POFUT3: variants seen among roughly 807,000 people sequenced by gnomAD.
The protein encoded by POFUT3 is GDP-fucose protein O-fucosyltransferase 3.
chr8:33,347,989 C>T, the POFUT3 span, among the ~76,000 whole-genome samples: 1 of 152,012 alleles, frequency 6.6e-6, no homozygotes, highest in African/African-American at 2.4e-5. Context: ...ACTAGCCTGG[C>T]CAACATGGTG....
chr8:33,356,475 G>C, the POFUT3 span, among the ~76,000 whole-genome samples: 7 of 151,968 alleles, frequency 4.6e-5, no homozygotes, highest in African/African-American at 1.7e-4. Context: ...GTCTTCTTTT[G>C]AGAAGTGTCT....
the POFUT3 span, among the ~76,000 whole-genome samples, chr8:33,435,539 CAG>C: frequency 2.1e-5 from 3 of 141,960 alleles, no homozygotes; most frequent in African/African-American, 7.9e-5. Context: ...TTTTCTGAGA[CAG>C]AGTCTTACTC....
At chr8:33,397,230 A>G in the POFUT3 span, among the ~76,000 whole-genome samples, 1 of 152,234 alleles carries the variant, frequency 6.6e-6, no homozygotes, top group African/African-American at 2.4e-5. Context: ...TGACAACTTC[A>G]ATATCCAAGC....
the POFUT3 span, among the ~76,000 whole-genome samples, chr8:33,377,142 G>A: frequency 6.6e-6 from 1 of 151,698 alleles, no homozygotes; most frequent in Non-Finnish European, 1.5e-5. Context: ...TGAGGCAGGA[G>A]AATCACTTGA....
the POFUT3 span, among the ~76,000 whole-genome samples, chr8:33,444,465 TCA>T: frequency 6.6e-6 from 1 of 151,836 alleles, no homozygotes; most frequent in Non-Finnish European, 1.5e-5. Context: ...TGAGGTGGGG[TCA>T]CTGGAGGAGC....
chr8:33,364,667 G>T, the POFUT3 span, among the ~76,000 whole-genome samples: 4 of 152,254 alleles, frequency 2.6e-5, no homozygotes, highest in Non-Finnish European at 4.4e-5. Context: ...ATTCACAATT[G>T]CTACAAAGAG....
At chr8:33,419,786 T>C in the POFUT3 span, among the ~76,000 whole-genome samples, 11 of 152,336 alleles carry the variant, frequency 7.2e-5, no homozygotes, top group South Asian at 2.3e-3. Context: ...TGTAATATGT[T>C]AGGTCATTTA....
At chr8:33,389,013 C>T in the POFUT3 span, 1 of 1,614,068 alleles carries the variant, frequency 6.2e-7, no homozygotes, top group East Asian at 2.2e-5. Context: ...ACCATACACT[C>T]AAATGCATCG....
At chr8:33,389,610 T>C in the POFUT3 span, 1 of 1,614,220 alleles carries the variant, frequency 6.2e-7, no homozygotes, top group Non-Finnish European at 8.5e-7. Context: ...AGGACTTCAA[T>C]GCTCTCCAAG....
At chr8:33,460,609 T>C in the POFUT3 span, 31 of 324,282 alleles carry the variant, frequency 9.6e-5, no homozygotes, top group Non-Finnish European at 1.2e-4. Context: ...GTGATAACAA[T>C]AGGAGATTCT....
chr8:33,465,212 A>C, the POFUT3 span, among the ~76,000 whole-genome samples: 2 of 152,162 alleles, frequency 1.3e-5, no homozygotes, highest in African/African-American at 4.8e-5. Flanking sequence ...ATTATGTAGT[A>C]AAATAATATC....
At chr8:33,407,590 T>A in the POFUT3 span, among the ~76,000 whole-genome samples, 51,190 of 151,270 alleles carry the variant, frequency 0.34, 8,970 homozygotes, top group South Asian at 0.44. Flanking sequence ...TTAAAAAAAA[T>A]TTTTTATCTC....
the POFUT3 span, among the ~76,000 whole-genome samples, chr8:33,441,330 C>CAAAA: frequency 8.4e-6 from 1 of 118,690 alleles, no homozygotes; most frequent in Non-Finnish European, 1.7e-5. Flanking sequence ...GACTCCATCT[C>CAAAA]AAAAAAAAAA....
At chr8:33,366,596 C>A in the POFUT3 span, among the ~76,000 whole-genome samples, 1 of 152,200 alleles carries the variant, frequency 6.6e-6, no homozygotes, top group African/African-American at 2.4e-5. Flanking sequence ...GTTAATATTA[C>A]CACCAATCTC....
chr8:33,328,720 G>A, the POFUT3 span, among the ~76,000 whole-genome samples: 2 of 152,184 alleles, frequency 1.3e-5, no homozygotes, highest in Middle Eastern at 3.2e-3. Context: ...GGTGAGTCTT[G>A]TGCCCAAACA....
chr8:33,417,508 G>A, the POFUT3 span, among the ~76,000 whole-genome samples: 9 of 152,068 alleles, frequency 5.9e-5, no homozygotes, highest in African/African-American at 1.4e-4. Context: ...GCCACTCAGC[G>A]GAGCAAATCA....
the POFUT3 span, among the ~76,000 whole-genome samples, chr8:33,367,189 G>A: frequency 6.6e-6 from 1 of 152,226 alleles, no homozygotes; most frequent in Non-Finnish European, 1.5e-5. Context: ...ACTGTGACAT[G>A]TTCATGATGG....
the POFUT3 span, among the ~76,000 whole-genome samples, chr8:33,309,138 TAAAA>T: frequency 2.4e-5 from 1 of 41,696 alleles, no homozygotes; most frequent in African/African-American, 9.2e-5. Flanking sequence ...CTGGGGAGTG[TAAAA>T]AAAAAAAAAA....
chr8:33,434,810 C>A, the POFUT3 span, among the ~76,000 whole-genome samples: 1 of 152,212 alleles, frequency 6.6e-6, no homozygotes, highest in Non-Finnish European at 1.5e-5. Context: ...GCTCCTCGCT[C>A]CCCGAGGACT....
Sources: gnomAD v4.1 joint callset for allele counts (sites outside exome capture counted in the v4.1 genomes callset) on GRCh38, gnomAD v4.1.1 for gene constraint, MANE v1.5 for transcripts, NCBI Gene and HGNC (gene_info 2026-07-23, HGNC 2026-07-21) for gene names.